Variants in GPD2 observed in about 807,000 individuals in gnomAD.
GPD2 encodes the protein glycerol-3-phosphate dehydrogenase, mitochondrial.
GPD2 carries 54 observed loss-of-function variants against 82.4 expected under a neutral mutation model. That is an observed-to-expected ratio of 0.66 (90% CI 0.53 to 0.82). The LOEUF (loss-of-function observed/expected upper bound fraction) is 0.82, where lower values mean the gene tolerates loss of function less well. GPD2 is among the 40% of genes least tolerant of loss of function. The pLI is 0.00. For missense variants in GPD2, 748 were observed against 896.2 expected (o/e 0.83, Z 2.11); for synonymous variants, 288 against 306.1 (o/e 0.94, Z 0.62).
intron 2 of GPD2, among the ~76,000 whole-genome samples, chr2:156,479,869 C>A (rs1404696794): frequency 6.6e-6 from 1 of 152,088 alleles, no homozygotes; most frequent in East Asian, 1.9e-4. Flanking sequence ...ACAAAGGGAG[C>A]TTGAGTTTTC....
chr2:156,511,933 T>G (rs1685011936), intron 4 of GPD2, among the ~76,000 whole-genome samples: 1 of 152,166 alleles, frequency 6.6e-6, no homozygotes. Flanking sequence ...ATCCAGAGGA[T>G]GCAAGATAAA....
At chr2:156,557,687 A>C in intron 9 of GPD2, 105 bp downstream of exon 9, 1 of 755,710 alleles carries the variant, frequency 1.3e-6, no homozygotes, top group South Asian at 1.4e-5. Flanking sequence ...TCATCTTCAC[A>C]CTTGTCCTCT....
the GPD2 span, among the ~76,000 whole-genome samples, chr2:156,415,041 G>C: frequency 6.6e-6 from 1 of 151,810 alleles, no homozygotes; most frequent in African/African-American, 2.4e-5. Context: ...GGTGATTTCT[G>C]AGATTCTGGT....
upstream of GPD2, among the ~76,000 whole-genome samples, chr2:156,432,356 A>G (rs905304668): frequency 6.6e-6 from 1 of 152,158 alleles, no homozygotes; most frequent in African/African-American, 2.4e-5. Flanking sequence ...TATTGATTCC[A>G]TCACCCACAT....
At chr2:156,431,730 T>A (rs896604542), upstream of GPD2, among the ~76,000 whole-genome samples, 3 of 152,106 alleles carry the variant, frequency 2.0e-5, no homozygotes, top group African/African-American at 7.2e-5. Flanking sequence ...GCTACTTAGA[T>A]ACTCATAAAA....
chr2:156,422,988 T>C, the GPD2 span, among the ~76,000 whole-genome samples: 1 of 152,218 alleles, frequency 6.6e-6, no homozygotes, highest in East Asian at 1.9e-4. Context: ...TAGGTGAATA[T>C]TGATTGCTTT....
At chr2:156,520,649 A>G (rs895596732) in intron 6 of GPD2, among the ~76,000 whole-genome samples, 1 of 151,186 alleles carries the variant, frequency 6.6e-6, no homozygotes, top group Non-Finnish European at 1.5e-5. Context: ...CAGTGGCACG[A>G]TCTTGGCTTA....
At chr2:156,488,528 G>A (rs1684030293) in intron 2 of GPD2, among the ~76,000 whole-genome samples, 1 of 152,004 alleles carries the variant, frequency 6.6e-6, no homozygotes, top group East Asian at 1.9e-4. Flanking sequence ...TTAATTGCCT[G>A]TGGTCTTTAA....
intron 3 of GPD2, among the ~76,000 whole-genome samples, chr2:156,509,406 G>A (rs1216706115): frequency 6.6e-6 from 1 of 152,170 alleles, no homozygotes; most frequent in Non-Finnish European, 1.5e-5. Flanking sequence ...TACATGCACA[G>A]GTTCTCCTAA....
chr2:156,425,980 T>C, the GPD2 span, among the ~76,000 whole-genome samples: 4 of 150,694 alleles, frequency 2.7e-5, no homozygotes, highest in Admixed American at 1.3e-4. Context: ...TGGAGTGCAG[T>C]GGCGCCATCT....
chr2:156,499,615 T>G (rs1396673643), intron 3 of GPD2, among the ~76,000 whole-genome samples: 1 of 152,124 alleles, frequency 6.6e-6, no homozygotes, highest in African/African-American at 2.4e-5. Context: ...TTTAAAAAAA[T>G]AGACAAGATT....
At chr2:156,561,238 G>A (rs1420398086) in intron 9 of GPD2, among the ~76,000 whole-genome samples, 1 of 151,672 alleles carries the variant, frequency 6.6e-6, no homozygotes. Flanking sequence ...AGTACAGACT[G>A]TGTTTCACCA....
the GPD2 span, among the ~76,000 whole-genome samples, chr2:156,418,990 C>T: frequency 1.0e-4 from 15 of 145,962 alleles, 1 homozygote; most frequent in East Asian, 2.5e-3. Context: ...GGAGGCCCGG[C>T]GGCTTCTTCA....
chr2:156,476,337 A>G, intron 2 of GPD2, 130 bp downstream of exon 2: 1 of 699,862 alleles, frequency 1.4e-6, no homozygotes, highest in Non-Finnish European at 2.6e-6. Flanking sequence ...GATCTGAAAG[A>G]TACTAATTTA....
intron 6 of GPD2, among the ~76,000 whole-genome samples, chr2:156,544,126 G>C (rs2105326281): frequency 6.6e-6 from 1 of 152,278 alleles, no homozygotes; most frequent in South Asian, 2.1e-4. Flanking sequence ...GATATAGTCT[G>C]GGTGGGCTGG....
At chr2:156,469,165 T>C (rs1375732497) in intron 1 of GPD2, among the ~76,000 whole-genome samples, 1 of 152,238 alleles carries the variant, frequency 6.6e-6, no homozygotes, top group Non-Finnish European at 1.5e-5. Context: ...GATCTCATTC[T>C]TTTCTTTTTT....
intron 13 of GPD2, among the ~76,000 whole-genome samples, chr2:156,571,585 C>T (rs942294248): frequency 6.6e-6 from 1 of 152,078 alleles, no homozygotes; most frequent in African/African-American, 2.4e-5. Context: ...TCATTGAAAA[C>T]ACTCTTGGAA....
At chr2:156,403,634 T>TGC in the GPD2 span, among the ~76,000 whole-genome samples, 4 of 152,010 alleles carry the variant, frequency 2.6e-5, no homozygotes, top group South Asian at 2.1e-4. Flanking sequence ...TGTGTGTGTG[T>TGC]GTGCGCCTGC....
At chr2:156,553,606 G>A (rs183453694) in intron 8 of GPD2, among the ~76,000 whole-genome samples, 177 of 152,088 alleles carry the variant, frequency 1.2e-3, no homozygotes, top group African/African-American at 4.2e-3. Context: ...CCTACCTTTT[G>A]TTCCCTCCCC....
Sources: allele counts gnomAD v4.1 joint callset (sites outside exome capture counted in the v4.1 genomes callset), GRCh38; gene constraint gnomAD v4.1.1; transcripts MANE v1.5; gene names NCBI Gene and HGNC (gene_info 2026-07-23, HGNC 2026-07-21).